Variants in DRG2 observed in about 807,000 individuals in gnomAD.
DRG2 encodes the protein developmentally-regulated GTP-binding protein 2.
DRG2 carries 36 observed loss-of-function variants against 53.4 expected under a neutral mutation model. That is an observed-to-expected ratio of 0.67 (90% confidence interval 0.52 to 0.89). The LOEUF is 0.89. Among genes scored for constraint, DRG2 ranks in the 40% least tolerant of loss-of-function variants. The probability of loss-of-function intolerance (pLI) is 0.00; values close to 1 mark genes in which losing one functional copy is unlikely to be tolerated. For synonymous variants in DRG2, 167 were observed against 192.1 expected (o/e 0.87, Z 1.08); for missense variants, 342 against 481.2 (o/e 0.71, Z 2.71).
chr17:18,107,575 C>A lies in DRG2; in HGVS notation c.*335C>A. 1 of 340,010 alleles carries A rather than the reference C, an allele frequency of 2.9e-6. No individual in the cohort carries two copies. The highest frequency in any genetic ancestry group is 5.6e-6 in the Non-Finnish European group (1 of 178,328). 21.1% of individuals were successfully genotyped at this position (340,010 alleles called of 1,614,324 possible). On this transcript the variant is annotated 3_prime_UTR_variant, in exon 13 of 13. Transcript: ENST00000225729. ...GCCAGGGCCTAAAGCAGATGGCATG[C>A]TCAGTGCCAGGCTGGTAGCTGGGCC...
chr17:18,090,224 C>T (rs1360468346), intron 1 of DRG2, among the ~76,000 whole-genome samples: 1 of 111,804 alleles, frequency 8.9e-6, no homozygotes, highest in Non-Finnish European at 1.7e-5. Flanking sequence ...GACAGTCTTG[C>T]TCTGTTGCCC....
chr17:18,090,298 C>T (rs1170523536), intron 1 of DRG2, among the ~76,000 whole-genome samples: 5 of 128,444 alleles, frequency 3.9e-5, no homozygotes, highest in South Asian at 2.4e-4. Context: ...CTCCTGCATT[C>T]GAGCAATCCT....
intron 8 of DRG2, 69 bp from the exon 9 acceptor site, chr17:18,101,852 C>A (rs767356967): frequency 6.6e-6 from 10 of 1,505,444 alleles, no homozygotes; most frequent in South Asian, 1.2e-5. Flanking sequence ...CGGCACAGGG[C>A]GATGGAGGGC....
chr17:18,106,595 T>C, intron 12 of DRG2, 109 bp downstream of exon 12: 1 of 1,266,602 alleles, frequency 7.9e-7, no homozygotes, highest in Non-Finnish European at 1.1e-6. Context: ...GTCCTTCCTG[T>C]GGGGATTGGC....
intron 8 of DRG2, 83 bp from the exon 9 acceptor site, chr17:18,101,838 C>T (rs2045543079): frequency 3.4e-6 from 5 of 1,458,994 alleles, no homozygotes; most frequent in Non-Finnish European, 4.7e-6. Context: ...GGAAGGGCTG[C>T]AGCCGGCACA....
chr17:18,101,382 C>A, intron 7 of DRG2, 111 bp from the exon 8 acceptor site: 1 of 958,614 alleles, frequency 1.0e-6, no homozygotes, highest in East Asian at 2.4e-5. Context: ...AAGCAGATAC[C>A]GCCACGGTCC....
chr17:18,099,185 C>CAG lies in DRG2; in HGVS notation c.376+108_376+109insAG. Reference sequence around the variant, plus strand: ...CACTCTGGATCCCTGGTCCATTATCCCGCTTTCCAGAAAAGACAGGTTCCA... The same window carrying CAG: ...CACTCTGGATCCCTGGTCCATTATCCAGCGCTTTCCAGAAAAGACAGGTTCCA... On this transcript the variant is annotated intron_variant, in intron 4 of 12. Transcript: ENST00000225729. The surrounding 1 kb of genome is among the most constrained non-coding windows in gnomAD (Gnocchi z 4.4). 6.9e-7 allele frequency: 1 copy of CAG among 1,440,288 alleles called. No individual in the cohort carries two copies. The highest frequency in any genetic ancestry group is 1.2e-5 in the South Asian group (1 of 83,818). The allele number at this position is 1,440,288 out of a possible 1,614,324, so 89.2% of individuals were successfully genotyped here. A position where few individuals can be genotyped will look rare whatever the true frequency, so the allele number is the denominator to read the frequency against.
rs2045501511 is a variant in DRG2, at chr17:18,100,019, C to T, written c.467+296C>T. 5.2e-6 allele frequency: 3 copies of T among 580,236 alleles called. No homozygotes were observed. The South Asian group carries it at 6.2e-5, about 12-fold the overall frequency. The allele number at this position is 580,236 out of a possible 1,614,324, so 35.9% of individuals were successfully genotyped here. A position where few individuals can be genotyped will look rare whatever the true frequency, so the allele number is the denominator to read the frequency against. On this transcript the variant is annotated intron_variant, in intron 5 of 12. Transcript: ENST00000225729. The surrounding 1 kb of genome is among the most constrained non-coding windows in gnomAD (Gnocchi z 4.1). ...CCCAGAACCTGCCAGGAGCCCAGCCCCAGGCACAGAAGCATTGTTCATCCA... is the reference window on the plus strand; with the variant it reads ...CCCAGAACCTGCCAGGAGCCCAGCCTCAGGCACAGAAGCATTGTTCATCCA...
Position 18,100,111 on chromosome 17 carries a change from C to T in DRG2, c.468-252C>T, listed in dbSNP as rs2142196882. On this transcript the variant is annotated intron_variant, in intron 5 of 12. Transcript: ENST00000225729. This position sits in a 1 kb window ranked among gnomAD's most constrained non-coding sequence, Gnocchi z 4.1. ...CAGAAGGAGTACCCTCATGTGGTCACCTCGCGGGGGCTCCACCACTTGCCT... is the reference window on the plus strand; with the variant it reads ...CAGAAGGAGTACCCTCATGTGGTCATCTCGCGGGGGCTCCACCACTTGCCT... 1.7e-6 allele frequency: 1 copy of T among 589,602 alleles called. No individual in the cohort carries two copies. The highest frequency in any genetic ancestry group is 2.8e-5 in the East Asian group (1 of 35,326). 36.5% of individuals were successfully genotyped at this position (589,602 alleles called of 1,614,324 possible). A position where few individuals can be genotyped will look rare whatever the true frequency, so the allele number is the denominator to read the frequency against.
intron 2 of DRG2, 135 bp downstream of exon 2, chr17:18,094,108 G>C: frequency 8.3e-7 from 1 of 1,207,966 alleles, no homozygotes; most frequent in Non-Finnish European, 1.1e-6. Context: ...CCCAGGGTCA[G>C]ATCCCAGCCC....
chr17:18,088,119 T>C (rs2142173683), intron 1 of DRG2, 32 bp downstream of exon 1: 1 of 1,534,496 alleles, frequency 6.5e-7, no homozygotes, highest in East Asian at 2.6e-5. Context: ...CCTTCCTTTC[T>C]GCCTGCCTCA....
rs200940339 is a variant in DRG2 at position 18,103,784 on chromosome 17, C to T, written c.807-17C>T. ...TCACAGGGGCCCCTGCCTGACTGGC[C>T]GCCTCCCTCTTTGCAGCTGCGGCAT... On this transcript the variant is annotated splice_polypyrimidine_tract_variant and intron_variant, in intron 9 of 12. Transcript: ENST00000225729. This position sits in a 1 kb window ranked among gnomAD's most constrained non-coding sequence, Gnocchi z 4.4. The T allele has an allele frequency of 1.3e-4, 207 of 1,613,812 alleles. No homozygotes were observed. The African/African-American group carries it at 1.8e-3, about 14-fold the overall frequency.
intron 7 of DRG2, 47 bp from the exon 8 acceptor site, chr17:18,101,446 G>T: frequency 6.3e-7 from 1 of 1,587,608 alleles, no homozygotes; most frequent in Non-Finnish European, 8.6e-7. Context: ...GCTGATGGGG[G>T]ACAGGGGCAG....
Position 18,087,985 on chromosome 17 carries a change from G to A in DRG2, c.-39G>A. The A allele has an allele frequency of 6.5e-7, 1 of 1,542,250 alleles. No individual in the cohort carries two copies. Among genetic ancestry groups the A allele is most frequent in the Non-Finnish European group, 8.7e-7 (1 of 1,144,054 alleles). Reference sequence around the variant, plus strand: ...CCGTCAGACCGGAATTGCCGGTGCCGCCGCCACCGCTGTCTGTGCGCCCAC... The same window carrying A: ...CCGTCAGACCGGAATTGCCGGTGCCACCGCCACCGCTGTCTGTGCGCCCAC... On this transcript the variant is annotated 5_prime_UTR_variant, in exon 1 of 13. Transcript: ENST00000225729.
At chr17:18,102,911 C>G (rs897628997) in intron 9 of DRG2, among the ~76,000 whole-genome samples, 1 of 152,198 alleles carries the variant, frequency 6.6e-6, no homozygotes, top group Non-Finnish European at 1.5e-5. Flanking sequence ...AGGTGCTCCA[C>G]TTTGCTGGTT....
In DRG2 at chr17:18,104,604, TCCCCATCCTG is replaced by T; in HGVS notation, c.896-15_896-6del. ...GGGCCCTGATGTGTGGCTGACGTTC[TCCCCATCCTG>T]CCCTGCAGAGAGGCCAGACTTCACA... On this transcript the variant is annotated splice_polypyrimidine_tract_variant and intron_variant, in intron 10 of 12. Transcript: ENST00000225729. The T allele has an allele frequency of 6.2e-7, 1 of 1,613,766 alleles. No individual in the cohort carries two copies. The highest frequency in any genetic ancestry group is 8.5e-7 in the Non-Finnish European group (1 of 1,179,998).
chr17:18,104,666 C>G lies in DRG2; in HGVS notation c.939C>G (p.Ala313=). 6.2e-7 allele frequency: 1 copy of G among 1,613,898 alleles called. No individual in the cohort carries two copies. Among genetic ancestry groups the G allele is most frequent in the Non-Finnish European group, 8.5e-7 (1 of 1,180,024 alleles). The part of the protein sequence containing the change: ...FTDAIILRKG[A]SVEHVCHRIH... ...ACGCCATCATTCTCCGGAAAGGGGC[C>G]TCAGTGGAGCACGTGGTGAGTTGAC... The change falls in exon 11 of 13, where the codon GCC becomes GCG. Residue 313 remains alanine (A), a synonymous_variant. Coordinates refer to ENST00000225729, the MANE Select transcript of DRG2 (RefSeq NM_001388.5).
At chr17:18,101,434 C>T (rs1015425058) in intron 7 of DRG2, 59 bp from the exon 8 acceptor site, 6 of 1,558,824 alleles carry the variant, frequency 3.8e-6, no homozygotes, top group South Asian at 1.1e-5. Context: ...TTGGGGCCCT[C>T]CGCTGATGGG....
At chr17:18,093,540 A>G (rs969310832) in intron 1 of DRG2, among the ~76,000 whole-genome samples, 10 of 151,868 alleles carry the variant, frequency 6.6e-5, no homozygotes, top group Non-Finnish European at 1.5e-4. Context: ...CTGGTCTCGA[A>G]CTCCTGACCT....
Sources: allele counts gnomAD v4.1 joint callset (sites outside exome capture counted in the v4.1 genomes callset), GRCh38; gene constraint gnomAD v4.1.1; non-coding constraint Gnocchi (gnomAD v3.1); transcripts MANE v1.5; gene names NCBI Gene and HGNC (gene_info 2026-07-23, HGNC 2026-07-21).